Variants in DPYSL5 observed in about 807,000 individuals in gnomAD.
DPYSL5 encodes the protein dihydropyrimidinase-related protein 5.
DPYSL5 carries 9 observed loss-of-function variants against 58.4 expected under a neutral mutation model. That is an observed-to-expected ratio of 0.15 (90% CI 0.09 to 0.27). The LOEUF is 0.27. Ranked by LOEUF, DPYSL5 falls within the 10% of genes least tolerant of loss-of-function variation. The pLI, the probability that DPYSL5 is intolerant of heterozygous loss-of-function variation, is 1.00. For synonymous variants in DPYSL5, 293 were observed against 301.9 expected (o/e 0.97, Z 0.31); for missense variants, 499 against 770.6 (o/e 0.65, Z 4.17).
At chr2:26,892,450 TC>T (rs2148132658) in intron 1 of DPYSL5, among the ~76,000 whole-genome samples, 1 of 152,338 alleles carries the variant, frequency 6.6e-6, no homozygotes, top group Non-Finnish European at 1.5e-5. Flanking sequence ...AGCAAACCCA[TC>T]TTGTCATTTA....
At chr2:26,929,057 G>A (rs951042552) in intron 5 of DPYSL5, among the ~76,000 whole-genome samples, 4 of 151,952 alleles carry the variant, frequency 2.6e-5, no homozygotes, top group African/African-American at 7.3e-5. Flanking sequence ...GGTGAGCAGC[G>A]GGCCAGCTGA....
chr2:26,898,872 A>G lies in DPYSL5; in HGVS notation c.261+112A>G, dbSNP rs1664083564. On this transcript the variant is annotated intron_variant, in intron 2 of 12. Coordinates refer to ENST00000288699, the MANE Select transcript of DPYSL5 (RefSeq NM_020134.4). The surrounding 1 kb of genome is among the most constrained non-coding windows in gnomAD (Gnocchi z 6.1). ...CAGGTGCTCCCAGTGTATTGCTGGC[A>G]GGAGAAGGGTGTGTCAGGGCCACTG... The G allele has an allele frequency of 2.2e-6, 3 of 1,353,044 alleles. No homozygotes were observed. 83.8% of individuals were successfully genotyped at this position (1,353,044 alleles called of 1,614,324 possible).
intron 5 of DPYSL5, among the ~76,000 whole-genome samples, chr2:26,928,704 T>TATATATATACACACACACACACACACAC: frequency 6.4e-5 from 4 of 62,992 alleles, no homozygotes; most frequent in East Asian, 6.2e-4. Context: ...TATATATATA[T>TATATATATACACACACACACACACACAC]ACACACACAC....
intron 2 of DPYSL5, among the ~76,000 whole-genome samples, chr2:26,914,748 G>A (rs12618836): frequency 0.38 from 58,033 of 151,906 alleles, 11,500 homozygotes; most frequent in Admixed American, 0.54. Flanking sequence ...AGGGCTTCCT[G>A]AACAGATGTG....
intron 8 of DPYSL5, among the ~76,000 whole-genome samples, chr2:26,935,532 A>G (rs1442496085): frequency 6.6e-6 from 1 of 152,006 alleles, no homozygotes; most frequent in East Asian, 1.9e-4. Flanking sequence ...TACTGAAAAT[A>G]CAAAAAATTA....
chr2:26,881,398 G>A (rs1175903914), intron 1 of DPYSL5, among the ~76,000 whole-genome samples: 2 of 152,090 alleles, frequency 1.3e-5, no homozygotes, highest in Non-Finnish European at 2.9e-5. Flanking sequence ...GCCTGCCCCC[G>A]GGAGTCTCAG....
rs763210749 is a variant in DPYSL5, at chr2:26,942,112, C to G, written c.1232+20C>G. ...CACAAAGTAAAGTTTGTTGCTCGTC[C>G]CCAGGGCTAGAGGGGCTTGGGATTT... is the stretch of plus-strand genomic sequence containing the variant. On this transcript the variant is annotated intron_variant, in intron 10 of 12. Coordinates refer to ENST00000288699, the MANE Select transcript of DPYSL5 (RefSeq NM_020134.4). This position sits in a 1 kb window ranked among gnomAD's most constrained non-coding sequence, Gnocchi z 5.9. 3 of 1,613,932 alleles carry G rather than the reference C, an allele frequency of 1.9e-6. No individual in the cohort carries two copies. In the Admixed American group the frequency reaches 5.0e-5, roughly 27 times the overall value.
chr2:26,895,775 CTTTTT>C (rs869030530), intron 1 of DPYSL5, among the ~76,000 whole-genome samples: 1 of 101,104 alleles, frequency 9.9e-6, no homozygotes, highest in South Asian at 3.3e-4. Context: ...ATTTCTTTTT[CTTTTT>C]TTTTTTTTTT....
intron 2 of DPYSL5, among the ~76,000 whole-genome samples, chr2:26,915,182 C>T (rs1664531706): frequency 6.6e-6 from 1 of 152,152 alleles, no homozygotes; most frequent in African/African-American, 2.4e-5. Context: ...CAAAGCCTAA[C>T]CTAACACGCT....
Position 26,934,845 on chromosome 2 carries a change from T to A in DPYSL5, c.947+111T>A. 1 of 1,420,480 alleles carries A rather than the reference T, an allele frequency of 7.0e-7. No individual in the cohort carries two copies. Among genetic ancestry groups the A allele is most frequent in the South Asian group, 1.3e-5 (1 of 76,578 alleles). 88.0% of individuals were successfully genotyped at this position (1,420,480 alleles called of 1,614,324 possible). On this transcript the variant is annotated intron_variant, in intron 8 of 12. Transcript: ENST00000288699. The surrounding 1 kb of genome is among the most constrained non-coding windows in gnomAD (Gnocchi z 4.3). ...GTTTGATTTCATTGTGCCCATAGGA[T>A]CATTGTGCTTTTCTTACCTTCTCTG... is the stretch of plus-strand genomic sequence containing the variant.
intron 1 of DPYSL5, among the ~76,000 whole-genome samples, chr2:26,867,467 T>TTTGTTTTTGTTTTTGTTTTTG (rs1558323501): frequency 3.3e-5 from 5 of 149,780 alleles, no homozygotes; most frequent in African/African-American, 1.2e-4. Context: ...TTGTTTTTTT[T>TTTGTTTTTGTTTTTGTTTTTG]TTTTTTGAGA....
chr2:26,931,169 A>ATGTGTGTGTGTGTG (rs1324624030), intron 5 of DPYSL5, among the ~76,000 whole-genome samples: 48 of 45,706 alleles, frequency 1.1e-3, no homozygotes, highest in Middle Eastern at 0.014. Context: ...ATATATATAT[A>ATGTGTGTGTGTGTG]TGTGTGTGTG....
intron 1 of DPYSL5, among the ~76,000 whole-genome samples, chr2:26,858,767 T>G: frequency 6.8e-6 from 1 of 146,284 alleles, no homozygotes. Context: ...AGAGATAGGG[T>G]CTCCCTATGT....
At chr2:26,892,216 G>A (rs1246624058) in intron 1 of DPYSL5, among the ~76,000 whole-genome samples, 1 of 152,170 alleles carries the variant, frequency 6.6e-6, no homozygotes, top group African/African-American at 2.4e-5. Flanking sequence ...TTAAAGTGAG[G>A]CTAACACTTC....
chr2:26,853,944 G>A (rs1288803209), intron 1 of DPYSL5, among the ~76,000 whole-genome samples: 2 of 152,096 alleles, frequency 1.3e-5, no homozygotes, highest in Admixed American at 6.5e-5. Context: ...AGAGGGTGAT[G>A]TCAGAGGATT....
rs1458483528 is a variant in DPYSL5 at position 26,877,159 on chromosome 2, G to T, written c.-4-21337G>T. On this transcript the variant is annotated intron_variant, in intron 1 of 12. Transcript: ENST00000288699. This position sits in a 1 kb window ranked among gnomAD's most constrained non-coding sequence, Gnocchi z 4.1. ...TTTTTGTATTTTTAGTAGAAACGGGGTTTCACCATGTTGGCCAGGCTGGCT... is the reference window on the plus strand; with the variant it reads ...TTTTTGTATTTTTAGTAGAAACGGGTTTTCACCATGTTGGCCAGGCTGGCT... Among the ~76,000 whole-genome samples the T allele has an allele frequency of 6.6e-6, 1 of 151,166 alleles. No homozygotes were observed. Among genetic ancestry groups the T allele is most frequent in the Admixed American group, 6.6e-5 (1 of 15,192 alleles).
intron 1 of DPYSL5, among the ~76,000 whole-genome samples, chr2:26,880,974 G>A (rs1027712101): frequency 6.6e-5 from 10 of 152,208 alleles, no homozygotes; most frequent in African/African-American, 2.2e-4. Flanking sequence ...CAGCCATAAC[G>A]TGGGGATAAT....
chr2:26,911,364 G>A (rs1664435470), intron 2 of DPYSL5, among the ~76,000 whole-genome samples: 1 of 137,150 alleles, frequency 7.3e-6, no homozygotes, highest in Admixed American at 8.4e-5. Flanking sequence ...GTTTAGTGCA[G>A]GCTGCAAATC....
At chr2:26,915,560 A>G (rs1664540969) in intron 2 of DPYSL5, among the ~76,000 whole-genome samples, 1 of 152,046 alleles carries the variant, frequency 6.6e-6, no homozygotes, top group Admixed American at 6.6e-5. Flanking sequence ...CAGCTCTTCC[A>G]GAGTGCTTTC....
Sources: allele counts gnomAD v4.1 joint callset (sites outside exome capture counted in the v4.1 genomes callset), GRCh38; gene constraint gnomAD v4.1.1; non-coding constraint Gnocchi (gnomAD v3.1); transcripts MANE v1.5; gene names NCBI Gene and HGNC (gene_info 2026-07-23, HGNC 2026-07-21).